The following SGMS2 variants were observed in gnomAD, a reference collection of about 807,000 sequenced individuals.
The protein encoded by SGMS2 is sphingomyelin synthase 2.
In SGMS2, 21 loss-of-function variants were observed where a neutral mutation model predicts 43.8. The observed-to-expected ratio is 0.48, with a 90% confidence interval of 0.34 to 0.69. The LOEUF is 0.69. Ranked by LOEUF, SGMS2 falls within the 30% of genes least tolerant of loss-of-function variation. SGMS2 has a pLI of 0.01. For missense variants in SGMS2, 384 were observed against 443.2 expected (o/e 0.87, Z 1.20); for synonymous variants, 167 against 160.6 (o/e 1.04, Z -0.30).
chr4:107,833,052 T>G (rs1725977669), intron 1 of SGMS2, among the ~76,000 whole-genome samples: 1 of 152,088 alleles, frequency 6.6e-6, no homozygotes, highest in East Asian at 1.9e-4. Flanking sequence ...ACGTTGATAC[T>G]AATTTTCACT....
At chr4:107,867,165 A>T (rs184784108) in intron 2 of SGMS2, 1 of 152,316 alleles carries the variant, frequency 6.6e-6, no homozygotes, top group African/African-American at 2.4e-5. Context: ...ACTGTAACAT[A>T]CTACTCTCCT....
intron 2 of SGMS2, chr4:107,867,185 T>TCACAGG (rs751168959): frequency 2.6e-5 from 4 of 152,198 alleles, no homozygotes; most frequent in Non-Finnish European, 5.9e-5. Context: ...TCCACATAGT[T>TCACAGG]CACAACACAG....
At chr4:107,890,551 T>G (rs1351434011) in intron 2 of SGMS2, among the ~76,000 whole-genome samples, 5 of 151,784 alleles carry the variant, frequency 3.3e-5, no homozygotes. Context: ...GGTACGTGCG[T>G]GTAATCCCAA....
chr4:107,852,154 C>T (rs1362915089), intron 1 of SGMS2, among the ~76,000 whole-genome samples: 2 of 151,688 alleles, frequency 1.3e-5, no homozygotes, highest in Non-Finnish European at 2.9e-5. Context: ...CTGCAAGGTC[C>T]GCCTCCTGAG....
At chr4:107,891,351 T>C (rs145634305) in intron 2 of SGMS2, among the ~76,000 whole-genome samples, 78 of 152,196 alleles carry the variant, frequency 5.1e-4, no homozygotes, top group African/African-American at 1.8e-3. Context: ...GCACAACTTA[T>C]ATGATTACTG....
chr4:107,834,686 G>A (rs1219880480), intron 1 of SGMS2, among the ~76,000 whole-genome samples: 1 of 152,186 alleles, frequency 6.6e-6, no homozygotes, highest in Non-Finnish European at 1.5e-5. Flanking sequence ...TATGTAAAGG[G>A]CTATAGGCTC....
chr4:107,909,360 C>T (rs1731912295), intron 6 of SGMS2, among the ~76,000 whole-genome samples: 1 of 152,146 alleles, frequency 6.6e-6, no homozygotes, highest in African/African-American at 2.4e-5. Flanking sequence ...ATCCTCCCAC[C>T]TCGGCCTCCC....
In SGMS2 at chr4:107,892,156, G is replaced by A. The variant is rs189213275; in HGVS notation, c.-244-3154G>A. Among the ~76,000 whole-genome samples, 418 of 139,392 alleles carry A rather than the reference G, an allele frequency of 3.0e-3. 3 individuals are homozygous for A. The highest frequency in any genetic ancestry group is 0.01 in the African/African-American group (389 of 37,248). The allele number at this position is 139,392 out of a possible 152,430, so 91.4% of individuals were successfully genotyped here. A position where few individuals can be genotyped will look rare whatever the true frequency, so the allele number is the denominator to read the frequency against. ...TCTTCCCTGTTGGAAGGGAAACTCC[G>A]TAAAGGAGTTACCTACCTTCCATCA... On this transcript the variant is annotated intron_variant, in intron 2 of 6. Transcript: ENST00000690982.
At chr4:107,897,711 T>A (rs949707206) in intron 3 of SGMS2, among the ~76,000 whole-genome samples, 2 of 152,182 alleles carry the variant, frequency 1.3e-5, no homozygotes, top group Non-Finnish European at 2.9e-5. Context: ...ATTTTAATGA[T>A]ATCCACTGTT....
chr4:107,868,193 AG>A (rs1409176925), intron 2 of SGMS2, among the ~76,000 whole-genome samples: 1 of 152,214 alleles, frequency 6.6e-6, no homozygotes. Flanking sequence ...AGATTGTTAA[AG>A]GCTTGGAGAA....
At chr4:107,849,062 A>G (rs1006452694) in intron 1 of SGMS2, among the ~76,000 whole-genome samples, 12 of 152,160 alleles carry the variant, frequency 7.9e-5, no homozygotes, top group Admixed American at 5.9e-4. Flanking sequence ...GTTCAGCACA[A>G]TTCGTTGAGA....
rs540673727 is a variant in SGMS2, at chr4:107,914,430, C to T, written c.*3877C>T. On this transcript the variant is annotated 3_prime_UTR_variant, in exon 7 of 7. Transcript: ENST00000690982. ...TTCATTATTTAATTTACCTCCTATG[C>T]AATGATTAATGCTGCAAAATGTATG... 1 of 152,102 alleles carries T rather than the reference C, an allele frequency of 6.6e-6. No individual in the cohort carries two copies. The highest frequency in any genetic ancestry group is 1.5e-5 in the Non-Finnish European group (1 of 67,940). The allele number at this position is 152,102 out of a possible 1,614,324, so 9.4% of individuals were successfully genotyped here.
At chr4:107,839,720 G>A (rs184871503) in intron 1 of SGMS2, among the ~76,000 whole-genome samples, 76 of 152,176 alleles carry the variant, frequency 5.0e-4, no homozygotes, top group African/African-American at 1.6e-3. Context: ...TTAATACTTT[G>A]CTGTTCATTA....
chr4:107,874,326 G>C (rs1728759746), intron 2 of SGMS2, among the ~76,000 whole-genome samples: 1 of 152,158 alleles, frequency 6.6e-6, no homozygotes, highest in South Asian at 2.1e-4. Context: ...ACTTTGCTTT[G>C]CAACTTTGTG....
At chr4:107,839,274 C>G (rs567155835) in intron 1 of SGMS2, among the ~76,000 whole-genome samples, 84 of 152,222 alleles carry the variant, frequency 5.5e-4, no homozygotes, top group African/African-American at 1.8e-3. Context: ...TTCTATTTGC[C>G]TGGTAATAGT....
intron 2 of SGMS2, chr4:107,894,582 T>A (rs992517042): frequency 6.6e-6 from 1 of 152,194 alleles, no homozygotes. Flanking sequence ...TCATGCCAAT[T>A]GTAGTGAGGT....
chr4:107,904,888 T>C (rs190563820), intron 5 of SGMS2, among the ~76,000 whole-genome samples: 2 of 152,300 alleles, frequency 1.3e-5, no homozygotes, highest in East Asian at 1.9e-4. Flanking sequence ...AGTCATTTTC[T>C]AGTGTAGATG....
chr4:107,858,971 G>A (rs907091743), intron 2 of SGMS2, among the ~76,000 whole-genome samples: 5 of 152,202 alleles, frequency 3.3e-5, no homozygotes, highest in East Asian at 1.9e-4. Flanking sequence ...GCAACAGTAC[G>A]GAAATTACTA....
rs557041217 is a variant in SGMS2, at chr4:107,826,280, A to G, written c.-327+1027A>G. ...TGTGTTGCAGCTGGCTTAGGTAATA[A>G]CCAATTAATTTCCACAGAATGTCCT... is the stretch of plus-strand genomic sequence containing the variant. On this transcript the variant is annotated intron_variant, in intron 1 of 6. Transcript: ENST00000690982. Among the ~76,000 whole-genome samples, 26 of 152,350 alleles carry G rather than the reference A, an allele frequency of 1.7e-4. No individual in the cohort carries two copies. In the East Asian group the frequency reaches 4.0e-3, roughly 24 times the overall value.
Sources: gnomAD v4.1 joint callset for allele counts (sites outside exome capture counted in the v4.1 genomes callset) on GRCh38, gnomAD v4.1.1 for gene constraint, MANE v1.5 for transcripts, NCBI Gene and HGNC (gene_info 2026-07-23, HGNC 2026-07-21) for gene names.